The following COL1A2 variants were observed in gnomAD, a reference collection of about 807,000 sequenced individuals.
COL1A2 encodes the protein collagen type I alpha 2 chain, also known as collagen alpha-2(I) chain.
In COL1A2, 49 loss-of-function variants were observed where a neutral mutation model predicts 174.3. The ratio of observed to expected loss-of-function variants is 0.28; its 90% CI spans 0.22 to 0.36. The LOEUF (loss-of-function observed/expected upper bound fraction) is 0.36. COL1A2 is among the 10% of genes least tolerant of loss of function. The pLI, the probability that COL1A2 is intolerant of heterozygous loss-of-function variation, is 1.00. For missense variants in COL1A2, 1,438 were observed against 1,822.7 expected (o/e 0.79, Z 3.84); for synonymous variants, 655 against 606.6 (o/e 1.08, Z -1.17).
Position 94,408,757 on chromosome 7 carries a change from G to T in COL1A2, c.739-13G>T. Reference sequence around the variant, plus strand: ...TGGAGGAAATTTCTTACCACCTTCTGCTTTGATTTCAGGGTCCCATTGGGT... The same window carrying T: ...TGGAGGAAATTTCTTACCACCTTCTTCTTTGATTTCAGGGTCCCATTGGGT... On this transcript the variant is annotated splice_polypyrimidine_tract_variant and intron_variant, in intron 15 of 51. Transcript: ENST00000297268. 1.9e-6 allele frequency: 3 copies of T among 1,613,550 alleles called. No individual in the cohort carries two copies. Among genetic ancestry groups the T allele is most frequent in the Non-Finnish European group, 2.5e-6 (3 of 1,179,788 alleles).
chr7:94,400,918 T>TC, intron 5 of COL1A2, among the ~76,000 whole-genome samples: 1 of 152,220 alleles, frequency 6.6e-6, no homozygotes, highest in East Asian at 1.9e-4. Context: ...AAGACCTTTC[T>TC]CCCCCAAAGA....
At chr7:94,398,951 C>A in intron 3 of COL1A2, 98 bp from the exon 4 acceptor site, 1 of 1,120,858 alleles carries the variant, frequency 8.9e-7, no homozygotes, top group Non-Finnish European at 1.4e-6. Flanking sequence ...GTAGTTACAT[C>A]AGTCTTACCA....
chr7:94,425,532 G>T, intron 42 of COL1A2, 78 bp from the exon 43 acceptor site: 1 of 1,435,414 alleles, frequency 7.0e-7, no homozygotes, highest in South Asian at 1.1e-5. Context: ...AAGTGATGAA[G>T]ACAGAGTAGC....
chr7:94,427,226 T>C lies in COL1A2; in HGVS notation c.3198T>C (p.Gly1066=), dbSNP rs373324228. Residue 1066 remains glycine, a synonymous_variant, in exon 48 of 52, where the codon GGT becomes GGC. Transcript: ENST00000297268. ...CTTCTGGCCCTGCTGGAAAAGATGG[T>C]CGCACTGGACATCCTGGTACAGTTG... ...AGPSGPAGKD[G]RTGHPGTVGP... is the part of the protein sequence containing the mutation. The C allele has an allele frequency of 6.2e-6, 10 of 1,613,900 alleles. No homozygotes were observed. Among genetic ancestry groups the C allele is most frequent in the Non-Finnish European group, 8.5e-6 (10 of 1,179,998 alleles).
rs1353699566 is a variant in COL1A2, at chr7:94,425,452, A to G, written c.2782-158A>G. The G allele has an allele frequency of 3.4e-6, 3 of 885,200 alleles. No individual in the cohort carries two copies. In the African/African-American group the frequency reaches 5.0e-5, roughly 15 times the overall value. The allele number at this position is 885,200 out of a possible 1,614,324, so 54.8% of individuals were successfully genotyped here. On this transcript the variant is annotated intron_variant, in intron 42 of 51. Transcript: ENST00000297268. Reference sequence around the variant, plus strand: ...CCAAGTATTTAAAACATCTCTAAAAAATATCTAGGTTGGCAGGTTTTTATC... The same window carrying G: ...CCAAGTATTTAAAACATCTCTAAAAGATATCTAGGTTGGCAGGTTTTTATC...
chr7:94,400,390 A>G (rs539193317), intron 5 of COL1A2, 102 bp downstream of exon 5: 3 of 1,014,232 alleles, frequency 3.0e-6, no homozygotes, highest in Admixed American at 3.9e-5. Flanking sequence ...CTTCCATTTG[A>G]AAATTAGTAT....
At chr7:94,405,544 C>G (rs903884419) in intron 10 of COL1A2, 129 bp from the exon 11 acceptor site, 3 of 886,322 alleles carry the variant, frequency 3.4e-6, no homozygotes, top group African/African-American at 1.6e-5. Flanking sequence ...TCACTCTGTG[C>G]TTAGAGGTAT....
At chr7:94,396,562 A>G (rs1405648984) in intron 1 of COL1A2, among the ~76,000 whole-genome samples, 2 of 152,214 alleles carry the variant, frequency 1.3e-5, no homozygotes, top group Non-Finnish European at 2.9e-5. Flanking sequence ...TCAACAGCCA[A>G]CCACAGTCTG....
chr7:94,426,360 T>C lies in COL1A2; in HGVS notation c.2998-63T>C, dbSNP rs967043166. The C allele has an allele frequency of 8.7e-6, 12 of 1,379,154 alleles. No homozygotes were observed. In the African/African-American group the frequency reaches 1.6e-4, roughly 18 times the overall value. 85.4% of individuals were successfully genotyped at this position (1,379,154 alleles called of 1,614,324 possible). ...TTGTAAACGAATTAAGCAGTATTTG[T>C]GGTGAAGTGAGTGCCATTTTTTTAA... is the stretch of plus-strand genomic sequence containing the variant. On this transcript the variant is annotated intron_variant, in intron 45 of 51. Coordinates refer to ENST00000297268, the MANE Select transcript of COL1A2 (RefSeq NM_000089.4).
intron 29 of COL1A2, among the ~76,000 whole-genome samples, chr7:94,414,776 C>G (rs191707964): frequency 6.6e-6 from 1 of 152,226 alleles, no homozygotes; most frequent in East Asian, 1.9e-4. Context: ...CCTTTGTCAA[C>G]AGTAGGACAT....
At chr7:94,425,465 G>T in intron 42 of COL1A2, 145 bp from the exon 43 acceptor site, 1 of 924,192 alleles carries the variant, frequency 1.1e-6, no homozygotes, top group Non-Finnish European at 1.7e-6. Flanking sequence ...ATCTAGGTTG[G>T]CAGGTTTTTA....
chr7:94,423,263 C>A, intron 40 of COL1A2, 145 bp downstream of exon 40: 23 of 954,640 alleles, frequency 2.4e-5, no homozygotes, highest in Non-Finnish European at 3.6e-5. Context: ...ATCTGTCCAG[C>A]ACACACTGAG....
At chr7:94,411,213 G>A in intron 23 of COL1A2, 59 bp downstream of exon 23, 1 of 1,298,550 alleles carries the variant, frequency 7.7e-7, no homozygotes, top group East Asian at 2.5e-5. Flanking sequence ...TCTTTAAAGG[G>A]TTGGTTAATA....
Position 94,429,440 on chromosome 7 carries a change from A to T in COL1A2, c.3954+10A>T, listed in dbSNP as rs1584332966. Reference sequence around the variant, plus strand: ...TGTAGATGGCTGCTCTGTAAGTAATAGTGAAATATGGGAATAGCTTTGGGA... The same window carrying T: ...TGTAGATGGCTGCTCTGTAAGTAATTGTGAAATATGGGAATAGCTTTGGGA... On this transcript the variant is annotated intron_variant, in intron 51 of 51. Transcript: ENST00000297268. 1.9e-6 allele frequency: 3 copies of T among 1,613,722 alleles called. No homozygotes were observed. The highest frequency in any genetic ancestry group is 1.6e-4 in the Middle Eastern group (1 of 6,084).
Position 94,426,456 on chromosome 7 carries a change from C to T in COL1A2, c.3031C>T (p.Pro1011Ser). ...PQGIRGDKGE[P>S]GEKGPRGLPG... ...AGGCATTCGTGGCGATAAGGGAGAG[C>T]CCGGTGAAAAGGGGCCCAGAGGTCT... is the stretch of plus-strand genomic sequence containing the variant. The change falls in exon 46 of 52, where the codon CCC becomes TCC. Residue 1011 changes from proline to serine, a missense_variant. Physicochemically the swap from Pro to Ser is moderately conservative, Grantham distance 74. This residue lies in a region of COL1A2 where 867 missense variants were observed against 1,213.7 expected (regional missense o/e 0.71). Coordinates refer to ENST00000297268, the MANE Select transcript of COL1A2 (RefSeq NM_000089.4). The T allele has an allele frequency of 6.2e-7, 1 of 1,605,988 alleles. No homozygotes were observed. Among genetic ancestry groups the T allele is most frequent in the Non-Finnish European group, 8.5e-7 (1 of 1,176,694 alleles).
At chr7:94,424,805 C>T in intron 41 of COL1A2, 1 of 470,308 alleles carries the variant, frequency 2.1e-6, no homozygotes, top group Non-Finnish European at 3.9e-6. Context: ...TTATACGTGA[C>T]AACAACTAGA....
At position 94,411,104 on chromosome 7, in the gene COL1A2, C is replaced by T; in HGVS notation, c.1300C>T (p.Pro434Ser). Residue 434 changes from proline to serine, a missense_variant, in exon 23 of 52, where the codon CCT (proline) becomes TCT (serine). Coordinates refer to ENST00000297268, the MANE Select transcript of COL1A2 (RefSeq NM_000089.4). ...GASGPAGVRG[P>S]NGDAGRPGEP... ...AAGTGGCCCTGCTGGAGTCCGAGGA[C>T]CTAATGGAGATGCTGGTCGCCCTGG... is the stretch of plus-strand genomic sequence containing the variant. 6.2e-7 allele frequency: 1 copy of T among 1,604,234 alleles called. No individual in the cohort carries two copies. Among genetic ancestry groups the T allele is most frequent in the Non-Finnish European group, 8.5e-7 (1 of 1,175,406 alleles).
At chr7:94,422,807 G>A (rs1003655628) in intron 39 of COL1A2, 150 bp from the exon 40 acceptor site, 37 of 1,017,496 alleles carry the variant, frequency 3.6e-5, no homozygotes, top group Non-Finnish European at 5.3e-5. Context: ...AAGAAAGAAG[G>A]TTAAAAACTA....
chr7:94,396,751 T>C, intron 1 of COL1A2, among the ~76,000 whole-genome samples: 1 of 152,212 alleles, frequency 6.6e-6, no homozygotes, highest in East Asian at 1.9e-4. Context: ...TCTCGTAAAT[T>C]GCCCTTAAAT....
Sources: gnomAD v4.1 joint callset for allele counts (sites outside exome capture counted in the v4.1 genomes callset) on GRCh38, gnomAD v4.1.1 for gene constraint, gnomAD v4.1.1 regional missense constraint, MANE v1.5 for transcripts, NCBI Gene and HGNC (gene_info 2026-07-23, HGNC 2026-07-21) for gene names.